Variants in KLRF1 observed in about 807,000 individuals in gnomAD.
KLRF1 encodes killer cell lectin like receptor F1.
A neutral mutation model predicts 30.7 loss-of-function variants in KLRF1; 27 were observed. The ratio of observed to expected loss-of-function variants is 0.88; its 90% CI spans 0.65 to 1.21. KLRF1 has a LOEUF of 1.21. Among genes scored for constraint, KLRF1 ranks in the 50% most tolerant of loss-of-function variants. The probability of loss-of-function intolerance (pLI) is 0.00; values close to 1 mark genes in which losing one functional copy is unlikely to be tolerated. For synonymous variants in KLRF1, 92 were observed against 89.3 expected (o/e 1.03, Z -0.17); for missense variants, 246 against 259.3 (o/e 0.95, Z 0.35).
chr12:9,835,519 G>C (rs2539934), intron 3 of KLRF1, among the ~76,000 whole-genome samples: 3,737 of 152,166 alleles, frequency 0.025, 136 homozygotes, highest in African/African-American at 0.085. Flanking sequence ...AGGAGGGTCT[G>C]ATGAGCAAGG....
intron 2 of KLRF1, among the ~76,000 whole-genome samples, chr12:9,832,782 T>C (rs757266609): frequency 1.3e-5 from 2 of 152,268 alleles, no homozygotes; most frequent in Non-Finnish European, 2.9e-5. Context: ...AATATTTTAA[T>C]ACATTTTATC....
intron 1 of KLRF1, among the ~76,000 whole-genome samples, chr12:9,831,713 A>G (rs769794874): frequency 3.7e-4 from 57 of 152,274 alleles, no homozygotes; most frequent in African/African-American, 1.3e-3. Flanking sequence ...ATAATCATTG[A>G]ACAAGCACTC....
chr12:9,819,613 C>G, the KLRF1 span, among the ~76,000 whole-genome samples: 10 of 152,272 alleles, frequency 6.6e-5, no homozygotes, highest in East Asian at 1.9e-3. Flanking sequence ...ACAACCACCT[C>G]CACAAGTGTT....
chr12:9,819,241 G>A, the KLRF1 span, among the ~76,000 whole-genome samples: 3 of 152,122 alleles, frequency 2.0e-5, no homozygotes, highest in Non-Finnish European at 2.9e-5. Flanking sequence ...AAAGTGGCTG[G>A]GAATTTAGAC....
At chr12:9,819,180 C>T in the KLRF1 span, among the ~76,000 whole-genome samples, 1 of 152,170 alleles carries the variant, frequency 6.6e-6, no homozygotes, top group Non-Finnish European at 1.5e-5. Context: ...AGAGTAGCCT[C>T]TCAGGCACAC....
At chr12:9,804,846 G>A in the KLRF1 span, among the ~76,000 whole-genome samples, 3 of 151,916 alleles carry the variant, frequency 2.0e-5, no homozygotes, top group Non-Finnish European at 4.4e-5. Context: ...CAGCATAGAA[G>A]AGTGTTTTTA....
intron 3 of KLRF1, among the ~76,000 whole-genome samples, chr12:9,838,239 T>C (rs1867627300): frequency 6.6e-6 from 1 of 152,070 alleles, no homozygotes; most frequent in Non-Finnish European, 1.5e-5. Context: ...TTAATTGAGG[T>C]TGAGTCTTCA....
At chr12:9,800,666 A>G in the KLRF1 span, among the ~76,000 whole-genome samples, 1 of 151,968 alleles carries the variant, frequency 6.6e-6, no homozygotes, top group South Asian at 2.1e-4. Context: ...TATCTTCTTA[A>G]CAAGGTATCT....
At chr12:9,803,658 C>G in the KLRF1 span, among the ~76,000 whole-genome samples, 1 of 151,576 alleles carries the variant, frequency 6.6e-6, no homozygotes, top group South Asian at 2.1e-4. Context: ...TTATTTTTTG[C>G]TTGTGGATGT....
chr12:9,827,318 G>A (rs1457356908), upstream of KLRF1, among the ~76,000 whole-genome samples: 1 of 152,158 alleles, frequency 6.6e-6, no homozygotes, highest in Non-Finnish European at 1.5e-5. Context: ...GTGGACAGTT[G>A]AGAAATTATG....
chr12:9,838,354 G>C (rs1431010601), intron 3 of KLRF1, among the ~76,000 whole-genome samples: 1 of 152,000 alleles, frequency 6.6e-6, no homozygotes, highest in Non-Finnish European at 1.5e-5. Context: ...TTTCTGGGGG[G>C]GTGAATAGCT....
At chr12:9,801,377 T>C in the KLRF1 span, among the ~76,000 whole-genome samples, 1 of 152,128 alleles carries the variant, frequency 6.6e-6, no homozygotes, top group African/African-American at 2.4e-5. Flanking sequence ...ATGGGATTGC[T>C]GGGTCAAATG....
chr12:9,834,782 GT>G (rs1867533279), intron 3 of KLRF1, among the ~76,000 whole-genome samples: 1 of 152,068 alleles, frequency 6.6e-6, no homozygotes, highest in Non-Finnish European at 1.5e-5. Context: ...CTATCCTTGA[GT>G]TTTCTTATGT....
the KLRF1 span, among the ~76,000 whole-genome samples, chr12:9,811,217 G>A: frequency 1.3e-3 from 179 of 142,302 alleles, 1 homozygote; most frequent in Non-Finnish European, 2.3e-3. Context: ...GAGGGGTGAG[G>A]TACAGTGATT....
chr12:9,813,590 A>G, the KLRF1 span, among the ~76,000 whole-genome samples: 2 of 152,116 alleles, frequency 1.3e-5, no homozygotes, highest in Non-Finnish European at 2.9e-5. Context: ...ATGGCTGTCT[A>G]CAGGCCCTCA....
chr12:9,829,652 C>T (rs1867366960), intron 1 of KLRF1, among the ~76,000 whole-genome samples: 1 of 152,150 alleles, frequency 6.6e-6, no homozygotes, highest in East Asian at 1.9e-4. Flanking sequence ...CCTAGCTACA[C>T]AGGGTGCTCA....
chr12:9,832,547 C>T lies in KLRF1; in HGVS notation c.184+133C>T. ...GAATTAGAAGCTACTGCATGTAAAG[C>T]TCTATTAGTACACTCCACAGTGCTA... On this transcript the variant is annotated intron_variant, in intron 2 of 5. Coordinates refer to ENST00000617889, the MANE Select transcript of KLRF1 (RefSeq NM_016523.3). The T allele has an allele frequency of 1.5e-5, 9 of 611,632 alleles. No homozygotes were observed. In the South Asian group the frequency reaches 1.8e-4, roughly 13 times the overall value. The allele number at this position is 611,632 out of a possible 1,614,324, so 37.9% of individuals were successfully genotyped here. A position where few individuals can be genotyped will look rare whatever the true frequency, so the allele number is the denominator to read the frequency against.
the KLRF1 span, among the ~76,000 whole-genome samples, chr12:9,816,803 G>T: frequency 4.7e-5 from 7 of 148,472 alleles, no homozygotes; most frequent in East Asian, 1.2e-3. Flanking sequence ...GCGCGATCTC[G>T]GCTCACTGCA....
At chr12:9,815,492 C>T in the KLRF1 span, among the ~76,000 whole-genome samples, 48,912 of 152,126 alleles carry the variant, frequency 0.32, 9,348 homozygotes, top group Non-Finnish European at 0.42. Flanking sequence ...GTCTATTTCT[C>T]TGTCAGCAGA....
Sources: allele counts gnomAD v4.1 joint callset (sites outside exome capture counted in the v4.1 genomes callset), GRCh38; gene constraint gnomAD v4.1.1; transcripts MANE v1.5; gene names NCBI Gene and HGNC (gene_info 2026-07-23, HGNC 2026-07-21).